The following ITGA9 variants were observed in gnomAD, a reference collection of about 807,000 sequenced individuals.
ITGA9 encodes the protein integrin alpha-9.
Under a neutral mutation model 127.8 loss-of-function variants are expected in ITGA9, and 56 were observed. The observed-to-expected ratio is 0.44, with a 90% confidence interval of 0.35 to 0.55. The LOEUF (loss-of-function observed/expected upper bound fraction) is 0.55. Among genes scored for constraint, ITGA9 ranks in the 20% least tolerant of loss-of-function variants. The pLI, the probability that ITGA9 is intolerant of heterozygous loss-of-function variation, is 0.00. For missense variants in ITGA9, 1,196 were observed against 1,347.1 expected (o/e 0.89, Z 1.76); for synonymous variants, 508 against 514.5 (o/e 0.99, Z 0.17).
chr3:37,521,895 T>C lies in ITGA9; in HGVS notation c.1237-1626T>C, dbSNP rs144348474. On this transcript the variant is annotated intron_variant, in intron 11 of 27. Coordinates refer to ENST00000264741, the MANE Select transcript of ITGA9 (RefSeq NM_002207.3). ...AACATTTCTTCAGTGTTTCCTACAG[T>C]GTTCTGATTTGTACTTTGGTGCTTG... Among the ~76,000 whole-genome samples the C allele has an allele frequency of 2.3e-3, 344 of 152,302 alleles. 1 individual carries two copies. The highest frequency in any genetic ancestry group is 6.5e-3 in the African/African-American group (270 of 41,566).
At chr3:37,533,672 C>G (rs941403892) in intron 14 of ITGA9, among the ~76,000 whole-genome samples, 7 of 152,200 alleles carry the variant, frequency 4.6e-5, no homozygotes, top group African/African-American at 9.7e-5. Context: ...ACCTCCAGCT[C>G]TAGGACAAAT....
chr3:37,679,604 G>A (rs1375144979), intron 17 of ITGA9, among the ~76,000 whole-genome samples: 1 of 152,162 alleles, frequency 6.6e-6, no homozygotes, highest in East Asian at 1.9e-4. Flanking sequence ...TTGTGGGGAT[G>A]TCATGGATGT....
intron 9 of ITGA9, among the ~76,000 whole-genome samples, chr3:37,516,599 C>T (rs1480639732): frequency 6.6e-6 from 1 of 152,138 alleles, no homozygotes; most frequent in Non-Finnish European, 1.5e-5. Context: ...GTGGAGGTTT[C>T]ATTCATCCAA....
rs558093917 is a variant in ITGA9, at chr3:37,820,043, T to C, written c.*1054T>C. ...TCCCAGAGAGGACATTTAACCGTTT[T>C]AAAAAAAATGTCTTAGATTGGGTTC... is the stretch of plus-strand genomic sequence containing the variant. On this transcript the variant is annotated 3_prime_UTR_variant, in exon 28 of 28. Transcript: ENST00000264741. The C allele has an allele frequency of 1.9e-4, 29 of 152,094 alleles. No individual in the cohort carries two copies. Among genetic ancestry groups the C allele is most frequent in the African/African-American group, 7.0e-4 (29 of 41,498 alleles). 9.4% of individuals were successfully genotyped at this position (152,094 alleles called of 1,614,324 possible).
At position 37,517,568 on chromosome 3, in the gene ITGA9, G is replaced by A. The variant is rs763793079; in HGVS notation, c.1100G>A (p.Ser367Asn). 1.3e-6 allele frequency: 2 copies of A among 1,596,520 alleles called. No individual in the cohort carries two copies. Among genetic ancestry groups the A allele is most frequent in the African/African-American group, 2.7e-5 (2 of 74,684 alleles). ...DGAYNAHFGE[S>N]IASLDDLDND... ...GCCTACAATGCGCACTTTGGAGAGA[G>A]CATTGCCAGCCTGGACGATCTGGAC... is the stretch of plus-strand genomic sequence containing the variant. The change falls in exon 10 of 28, where the codon AGC (serine) becomes AAC (asparagine). Residue 367 changes from serine to asparagine, a missense_variant. Ser to Asn is a conservative substitution (Grantham distance 46, BLOSUM62 1). Coordinates refer to ENST00000264741, the MANE Select transcript of ITGA9 (RefSeq NM_002207.3).
In ITGA9 at chr3:37,519,086, CTTTT is replaced by C. The variant is rs11457089; in HGVS notation, c.1142-160_1142-157del. Among the ~76,000 whole-genome samples the C allele has an allele frequency of 3.0e-3, 418 of 141,350 alleles. 3 individuals carry two copies. The highest frequency in any genetic ancestry group is 9.8e-3 in the African/African-American group (376 of 38,512). 92.7% of individuals were successfully genotyped at this position (141,350 alleles called of 152,430 possible). A position where few individuals can be genotyped will look rare whatever the true frequency, so the allele number is the denominator to read the frequency against. ...AGGCGTGAGCCACCACACTGGCCTA[CTTTT>C]TTTTTTTTTTTTTCCCGCTGAGGGA... is the stretch of plus-strand genomic sequence containing the variant. On this transcript the variant is annotated intron_variant, in intron 10 of 27. Coordinates refer to ENST00000264741, the MANE Select transcript of ITGA9 (RefSeq NM_002207.3).
rs373002756 is a variant in ITGA9 at position 37,730,146 on chromosome 3, A to G, written c.2068-2566A>G. On this transcript the variant is annotated intron_variant, in intron 18 of 27. Coordinates refer to ENST00000264741, the MANE Select transcript of ITGA9 (RefSeq NM_002207.3). ...AAGCATGTAATATATGTATATGTGT[A>G]TGTGTGAGATACACACACACACATA... Among the ~76,000 whole-genome samples, 392 of 152,292 alleles carry G rather than the reference A, an allele frequency of 2.6e-3. 2 individuals are homozygous for G. Among genetic ancestry groups the G allele is most frequent in the Middle Eastern group, 0.014 (4 of 294 alleles).
At chr3:37,512,024 T>TTTTCCTTTC (rs1698917702) in intron 8 of ITGA9, among the ~76,000 whole-genome samples, 1 of 32,006 alleles carries the variant, frequency 3.1e-5, no homozygotes, top group East Asian at 1.7e-3. Flanking sequence ...TTTTCTTTTC[T>TTTTCCTTTC]TTTCTTTCTT....
At chr3:37,747,412 T>C (rs1696514564) in intron 22 of ITGA9, among the ~76,000 whole-genome samples, 1 of 152,194 alleles carries the variant, frequency 6.6e-6, no homozygotes, top group Non-Finnish European at 1.5e-5. Context: ...TTATACTCTT[T>C]TAGTTACTTT....
intron 20 of ITGA9, among the ~76,000 whole-genome samples, chr3:37,738,861 A>C (rs941885852): frequency 5.9e-5 from 9 of 152,210 alleles, no homozygotes; most frequent in African/African-American, 1.9e-4. Flanking sequence ...GCAGGGAACC[A>C]GTATTGCAAT....
intron 15 of ITGA9, among the ~76,000 whole-genome samples, chr3:37,570,341 A>G (rs1699588598): frequency 6.6e-6 from 1 of 152,238 alleles, no homozygotes; most frequent in African/African-American, 2.4e-5. Context: ...CCTTTGGGAC[A>G]GGAGTAGGGG....
intron 1 of ITGA9, among the ~76,000 whole-genome samples, chr3:37,462,542 A>T (rs1370645668): frequency 6.6e-6 from 1 of 152,184 alleles, no homozygotes; most frequent in Non-Finnish European, 1.5e-5. Flanking sequence ...CCAGCAAGTA[A>T]GTAAATTACA....
At chr3:37,459,778 C>T (rs1197222201) in intron 1 of ITGA9, among the ~76,000 whole-genome samples, 1 of 152,168 alleles carries the variant, frequency 6.6e-6, no homozygotes, top group Non-Finnish European at 1.5e-5. Context: ...GGCTTCAGGG[C>T]GCTCAAACAT....
Position 37,590,108 on chromosome 3 carries a change from G to T in ITGA9, c.1690-39079G>T, listed in dbSNP as rs1390706597. Among the ~76,000 whole-genome samples, 3 of 152,174 alleles carry T rather than the reference G, an allele frequency of 2.0e-5. No homozygotes were observed. The East Asian group carries it at 5.8e-4, about 29-fold the overall frequency. ...AGGATGTGATGCATAGTATTCTGGA[G>T]CTCCTTTTTAAAAAGGAGTTACATT... On this transcript the variant is annotated intron_variant, in intron 15 of 27. Coordinates refer to ENST00000264741, the MANE Select transcript of ITGA9 (RefSeq NM_002207.3).
intron 17 of ITGA9, among the ~76,000 whole-genome samples, chr3:37,654,382 G>C (rs1032933746): frequency 6.6e-6 from 1 of 152,194 alleles, no homozygotes; most frequent in Non-Finnish European, 1.5e-5. Context: ...AAGGTGAACC[G>C]TACAGCGGCC....
chr3:37,565,933 G>T (rs903344574), intron 15 of ITGA9, among the ~76,000 whole-genome samples: 5 of 152,192 alleles, frequency 3.3e-5, no homozygotes, highest in African/African-American at 1.2e-4. Context: ...GTATATTTTA[G>T]TATGATAGTT....
chr3:37,475,205 G>T (rs1027328111), intron 3 of ITGA9, among the ~76,000 whole-genome samples: 3 of 152,226 alleles, frequency 2.0e-5, no homozygotes, highest in African/African-American at 7.2e-5. Flanking sequence ...CTGCCATTCT[G>T]GGGAAAGAAA....
chr3:37,710,100 C>T (rs1321938453), intron 18 of ITGA9, among the ~76,000 whole-genome samples: 7 of 152,062 alleles, frequency 4.6e-5, no homozygotes, highest in African/African-American at 1.7e-4. Flanking sequence ...TCAGAATGTG[C>T]CAGGGAGGGG....
intron 6 of ITGA9, among the ~76,000 whole-genome samples, chr3:37,504,016 C>G (rs1698815735): frequency 6.6e-6 from 1 of 152,224 alleles, no homozygotes; most frequent in South Asian, 2.1e-4. Context: ...ACACACAATG[C>G]TCTTTCGCAC....
Sources: allele counts gnomAD v4.1 joint callset (sites outside exome capture counted in the v4.1 genomes callset), GRCh38; gene constraint gnomAD v4.1.1; transcripts MANE v1.5; gene names NCBI Gene and HGNC (gene_info 2026-07-23, HGNC 2026-07-21).